The following MIAT variants were observed in gnomAD, a reference collection of about 807,000 sequenced individuals.
MIAT encodes myocardial infarction associated transcript, also known as MI related novel mRNA.
exon 5 of MIAT, chr22:26,676,147 T>G (rs1931255142): frequency 2.6e-6 from 1 of 388,808 alleles, no homozygotes; most frequent in Non-Finnish European, 4.5e-6. Flanking sequence ...GGACCCAATG[T>G]GAGGGCTGTG....
At chr22:26,671,017 C>G, downstream of MIAT, 1 of 398,178 alleles carries the variant, frequency 2.5e-6, no homozygotes, top group African/African-American at 2.1e-5. Context: ...AACTAGAGGC[C>G]TGACAGTCGG....
downstream of MIAT, chr22:26,674,170 A>G (rs1420935416): frequency 2.5e-6 from 1 of 398,628 alleles, no homozygotes; most frequent in Admixed American, 4.4e-5. Context: ...AGTCATTTAC[A>G]TGTTAGTAGT....
At chr22:26,654,999 G>A (rs1343492615) in intron 2 of MIAT, among the ~76,000 whole-genome samples, 3 of 152,136 alleles carry the variant, frequency 2.0e-5, no homozygotes, top group East Asian at 1.9e-4. Flanking sequence ...GGCGTGAGCT[G>A]CTGCGCCCGG....
intron 2 of MIAT, among the ~76,000 whole-genome samples, chr22:26,653,523 G>C (rs1197977323): frequency 1.3e-5 from 2 of 152,092 alleles, no homozygotes; most frequent in East Asian, 3.9e-4. Flanking sequence ...CTGTACGTAG[G>C]CTAGGATAAT....
exon 4 of MIAT, chr22:26,665,662 C>T: frequency 2.5e-6 from 1 of 398,660 alleles, no homozygotes; most frequent in Non-Finnish European, 4.4e-6. Context: ...ACCAGCCTGC[C>T]CTCTTCTGGT....
At chr22:26,659,431 C>G (rs748441306) in intron 2 of MIAT, among the ~76,000 whole-genome samples, 1 of 152,168 alleles carries the variant, frequency 6.6e-6, no homozygotes, top group Non-Finnish European at 1.5e-5. Flanking sequence ...CATTTTAAGC[C>G]TTAACCCTAC....
chr22:26,648,182 G>T (rs570112772), intron 2 of MIAT, among the ~76,000 whole-genome samples: 2 of 152,244 alleles, frequency 1.3e-5, no homozygotes, highest in Non-Finnish European at 2.9e-5. Flanking sequence ...GGAGAGGATG[G>T]CCAGGCTGCA....
At chr22:26,653,066 C>G (rs578029844) in intron 2 of MIAT, among the ~76,000 whole-genome samples, 1 of 152,132 alleles carries the variant, frequency 6.6e-6, no homozygotes, top group East Asian at 1.9e-4. Flanking sequence ...CTTCTCAAAC[C>G]AAGCATGAAC....
intron 2 of MIAT, among the ~76,000 whole-genome samples, chr22:26,650,934 C>T (rs1204804200): frequency 6.6e-6 from 1 of 152,176 alleles, no homozygotes; most frequent in Admixed American, 6.5e-5. Context: ...GCCTCGCTTT[C>T]CTTACCAGTT....
exon 4 of MIAT, chr22:26,665,918 A>G: frequency 2.5e-6 from 1 of 398,660 alleles, no homozygotes; most frequent in Non-Finnish European, 4.4e-6. Context: ...AACTGCTATT[A>G]GAAGGAGGCT....
At chr22:26,662,582 T>C (rs1005143312) in intron 2 of MIAT, among the ~76,000 whole-genome samples, 3 of 152,232 alleles carry the variant, frequency 2.0e-5, no homozygotes, top group African/African-American at 7.2e-5. Context: ...AGCGCTTTAA[T>C]TCTCCTCTGC....
At chr22:26,674,647 G>T (rs1175414778), downstream of MIAT, 1 of 398,614 alleles carries the variant, frequency 2.5e-6, no homozygotes, top group East Asian at 3.6e-5. Flanking sequence ...AGAGAGAAAA[G>T]ATGTCTTAGA....
intron 2 of MIAT, among the ~76,000 whole-genome samples, chr22:26,649,680 T>G (rs188346663): frequency 1.3e-5 from 2 of 152,234 alleles, no homozygotes; most frequent in Non-Finnish European, 2.9e-5. Context: ...TTTGGGACAC[T>G]GAGGCGGGTG....
exon 1 of MIAT, chr22:26,646,663 C>T (rs1930240626): frequency 2.5e-6 from 1 of 398,524 alleles, no homozygotes; most frequent in East Asian, 3.6e-5. Flanking sequence ...ATTGTGTGTC[C>T]CCGGCATCAC....
At chr22:26,656,037 G>A (rs1051299842) in intron 2 of MIAT, 8 of 152,692 alleles carry the variant, frequency 5.2e-5, no homozygotes, top group African/African-American at 1.2e-4. Context: ...TTCAGATGGA[G>A]TTTCGCTCTT....
intron 2 of MIAT, chr22:26,660,685 G>T (rs1007476): frequency 0.43 from 64,527 of 151,812 alleles, 13,770 homozygotes; most frequent in Middle Eastern, 0.47. Context: ...TTTCTTCTGC[G>T]TCTTCATTTT....
chr22:26,666,791 G>T (rs56005914), exon 4 of MIAT: 4,728 of 399,004 alleles, frequency 0.012, 195 homozygotes, highest in African/African-American at 0.087. Context: ...TTCTGGCAAG[G>T]CCTGGGCCTG....
chr22:26,656,564 C>T (rs1250709559), intron 2 of MIAT, among the ~76,000 whole-genome samples: 3 of 150,764 alleles, frequency 2.0e-5, no homozygotes, highest in East Asian at 4.0e-4. Context: ...GTGATCCACC[C>T]GCCTTGGCCT....
At chr22:26,669,713 G>C (rs1311731510), downstream of MIAT, 1 of 399,198 alleles carries the variant, frequency 2.5e-6, no homozygotes, top group African/African-American at 2.1e-5. Context: ...ACCCAGGGAT[G>C]GGGAGGAGGA....
Sources: allele counts gnomAD v4.1 joint callset (sites outside exome capture counted in the v4.1 genomes callset), GRCh38; gene constraint gnomAD v4.1.1; transcripts MANE v1.5; gene names NCBI Gene and HGNC (gene_info 2026-07-23, HGNC 2026-07-21).